Variants in PIWIL3 observed in about 807,000 individuals in gnomAD.
The protein encoded by PIWIL3 is piwi-like protein 3.
In PIWIL3, 101 loss-of-function variants were observed where a neutral mutation model predicts 109.7. The observed-to-expected ratio is 0.92, with a 90% CI of 0.78 to 1.09. PIWIL3 has a LOEUF of 1.09. Ranked by LOEUF, PIWIL3 falls within the 50% of genes least tolerant of loss-of-function variation. The pLI is 0.00. For synonymous variants in PIWIL3, 373 were observed against 376.4 expected (o/e 0.99, Z 0.10); for missense variants, 1,031 against 1,072.6 (o/e 0.96, Z 0.54).
At chr22:24,756,834 C>G in intron 4 of PIWIL3, 129 bp from the exon 5 acceptor site, 5 of 758,024 alleles carry the variant, frequency 6.6e-6, no homozygotes, top group Non-Finnish European at 1.0e-5. Context: ...AATCCCAGCA[C>G]TCTGGGAGGC....
In PIWIL3 at chr22:24,719,380, G is replaced by T; in HGVS notation, c.*92C>A. The T allele has an allele frequency of 1.0e-6, 1 of 992,324 alleles. No individual in the cohort carries two copies. The highest frequency in any genetic ancestry group is 1.5e-6 in the Non-Finnish European group (1 of 667,702). 61.5% of individuals were successfully genotyped at this position (992,324 alleles called of 1,614,324 possible). A position where few individuals can be genotyped will look rare whatever the true frequency, so the allele number is the denominator to read the frequency against. The stretch of plus-strand genomic sequence containing the variant: ...AAAACGATGAGAATTTAATGCTATG[G>T]ACCTAGGAAAATATTTCAGACATCC... On this transcript the variant is annotated 3_prime_UTR_variant, in exon 21 of 21. Transcript: ENST00000616349.
Position 24,719,513 on chromosome 22 carries a change from C to T in PIWIL3, c.2581G>A (p.Glu861Lys), listed in dbSNP as rs781550508. 8.1e-6 allele frequency: 13 copies of T among 1,604,768 alleles called. No individual in the cohort carries two copies. In the South Asian group the frequency reaches 1.5e-4, roughly 18 times the overall value. The change falls in exon 21 of 21, where the codon GAA becomes AAA. Residue 861 changes from glutamate to lysine, a missense_variant. Glu to Lys is a moderately conservative substitution (Grantham distance 56, BLOSUM62 1). Transcript: ENST00000616349. The stretch of plus-strand genomic sequence containing the variant: ...CGAGTTGACAAGGAACGATTCGGTT[C>T]CTGGTGAATGGACTGCCCCACGAGG... Reference protein sequence around the residue: ...AYLVGQSIHQEPNRSLSTRLF... With the variant: ...AYLVGQSIHQKPNRSLSTRLF...
chr22:24,722,957 G>A (rs1922762742), intron 19 of PIWIL3, among the ~76,000 whole-genome samples, 173 bp downstream of exon 19: 1 of 152,068 alleles, frequency 6.6e-6, no homozygotes, highest in African/African-American at 2.4e-5. Flanking sequence ...GACTCATCGC[G>A]ATTTCTAGAT....
chr22:24,719,274 A>G lies in PIWIL3; in HGVS notation c.*198T>C, dbSNP rs1922519833. 3.2e-6 allele frequency: 1 copy of G among 309,006 alleles called. No homozygotes were observed. The highest frequency in any genetic ancestry group is 4.7e-5 in the Admixed American group (1 of 21,368). 19.1% of individuals were successfully genotyped at this position (309,006 alleles called of 1,614,324 possible). A position where few individuals can be genotyped will look rare whatever the true frequency, so the allele number is the denominator to read the frequency against. ...GGGAAACTGCAAGCCAAACCCTGTC[A>G]GTTCTCCTCTCTGGAAAAATCAGTC... On this transcript the variant is annotated 3_prime_UTR_variant, in exon 21 of 21. Coordinates refer to ENST00000616349, the MANE Select transcript of PIWIL3 (RefSeq NM_001255975.1).
intron 8 of PIWIL3, among the ~76,000 whole-genome samples, chr22:24,752,921 T>C (rs1924798559): frequency 6.6e-6 from 1 of 152,250 alleles, no homozygotes; most frequent in Non-Finnish European, 1.5e-5. Flanking sequence ...TGATGGCTAC[T>C]GATGTTAAAC....
intron 11 of PIWIL3, 126 bp from the exon 12 acceptor site, chr22:24,749,147 G>A (rs1489602326): frequency 7.0e-6 from 6 of 855,414 alleles, no homozygotes; most frequent in African/African-American, 1.7e-5. Flanking sequence ...AGATGCGGCA[G>A]TACCTTCCCT....
At chr22:24,771,255 G>A (rs577368347) in intron 1 of PIWIL3, among the ~76,000 whole-genome samples, 1 of 152,040 alleles carries the variant, frequency 6.6e-6, no homozygotes, top group Non-Finnish European at 1.5e-5. Flanking sequence ...GAGGTCAGGA[G>A]ATCGAGACCA....
At chr22:24,752,610 A>G (rs1924778680) in intron 8 of PIWIL3, among the ~76,000 whole-genome samples, 1 of 151,982 alleles carries the variant, frequency 6.6e-6, no homozygotes, top group Admixed American at 6.6e-5. Flanking sequence ...TCTTTCACCT[A>G]TTCAGCTTTC....
In PIWIL3 at chr22:24,734,472, A is replaced by G. The variant is rs551006915; in HGVS notation, c.1635-316T>C. Among the ~76,000 whole-genome samples, 3 of 152,238 alleles carry G rather than the reference A, an allele frequency of 2.0e-5. No individual in the cohort carries two copies. In the South Asian group the frequency reaches 6.2e-4, roughly 32 times the overall value. ...TGCCTCCAATATTGAAGAGACAAATAAGCAAAAACAAGGAGTCCTGGCTAG... is the reference window on the plus strand; with the variant it reads ...TGCCTCCAATATTGAAGAGACAAATGAGCAAAAACAAGGAGTCCTGGCTAG... On this transcript the variant is annotated intron_variant, in intron 13 of 20. Transcript: ENST00000616349.
intron 12 of PIWIL3, among the ~76,000 whole-genome samples, chr22:24,736,109 G>A (rs971931960): frequency 2.0e-5 from 3 of 152,154 alleles, no homozygotes; most frequent in Non-Finnish European, 4.4e-5. Flanking sequence ...CATTGCAGGG[G>A]AGATGGCTCC....
At chr22:24,764,050 G>A (rs745459569) in intron 1 of PIWIL3, among the ~76,000 whole-genome samples, 3 of 152,186 alleles carry the variant, frequency 2.0e-5, no homozygotes, top group Non-Finnish European at 4.4e-5. Context: ...GCCCCGCACC[G>A]GTCACCAAAA....
chr22:24,756,988 A>C (rs1320829988), intron 4 of PIWIL3, among the ~76,000 whole-genome samples: 2 of 150,332 alleles, frequency 1.3e-5, no homozygotes, highest in Non-Finnish European at 3.0e-5. Context: ...CTGAGACAGG[A>C]GAATCACTTG....
chr22:24,723,327 A>G, intron 18 of PIWIL3, 72 bp from the exon 19 acceptor site: 2 of 1,476,188 alleles, frequency 1.4e-6, no homozygotes, highest in Non-Finnish European at 1.9e-6. Flanking sequence ...GTATTGAAAC[A>G]TCTGCTTTAC....
At chr22:24,754,574 G>C (rs894509780) in intron 7 of PIWIL3, among the ~76,000 whole-genome samples, 3 of 152,172 alleles carry the variant, frequency 2.0e-5, no homozygotes, top group Non-Finnish European at 4.4e-5. Flanking sequence ...TGCAACAACT[G>C]AATATCTCAA....
At chr22:24,741,412 G>A (rs976285182) in intron 12 of PIWIL3, among the ~76,000 whole-genome samples, 1 of 152,122 alleles carries the variant, frequency 6.6e-6, no homozygotes, top group Non-Finnish European at 1.5e-5. Context: ...GCTGAGGTAG[G>A]AGAATCACTT....
chr22:24,730,363 CA>C (rs59306341), intron 14 of PIWIL3, among the ~76,000 whole-genome samples: 15,208 of 92,908 alleles, frequency 0.16, 608 homozygotes, highest in Admixed American at 0.3. Context: ...GACTCAGTCT[CA>C]AAAAAAAAAA....
chr22:24,719,562 G>T lies in PIWIL3; in HGVS notation c.2532C>A (p.Cys844Ter). 6 of 1,602,942 alleles carry T rather than the reference G, an allele frequency of 3.7e-6. No homozygotes were observed. The highest frequency in any genetic ancestry group is 5.1e-6 in the Non-Finnish European group (6 of 1,175,942). ...GGTAAGCCAGCTTGTGGGCATAGTG[G>T]CAAGGCGCTGGAACTCGGATGATGC... ...LPGIIRVPAP[C>*]HYAHKLAYLV... The change falls in exon 21 of 21, where the codon TGC (cysteine) becomes TGA (stop). Residue 844 changes from cysteine (C) to a stop codon, truncating the protein, a stop_gained. Transcript: ENST00000616349. LOFTEE classifies it low-confidence loss of function (END_TRUNC).
chr22:24,721,742 C>T (rs1168755974), intron 19 of PIWIL3, among the ~76,000 whole-genome samples: 1 of 152,066 alleles, frequency 6.6e-6, no homozygotes, highest in Non-Finnish European at 1.5e-5. Flanking sequence ...ATTCTTACGG[C>T]CTTTATTCCT....
At chr22:24,745,531 AGT>A (rs1347890059) in intron 12 of PIWIL3, among the ~76,000 whole-genome samples, 1 of 152,152 alleles carries the variant, frequency 6.6e-6, no homozygotes, top group African/African-American at 2.4e-5. Context: ...TGGGCAACAG[AGT>A]GAGACTCTGT....
Sources: allele counts gnomAD v4.1 joint callset (sites outside exome capture counted in the v4.1 genomes callset), GRCh38; gene constraint gnomAD v4.1.1; transcripts MANE v1.5; gene names NCBI Gene and HGNC (gene_info 2026-07-23, HGNC 2026-07-21).